Variants in DYM observed in about 807,000 individuals in gnomAD.
The protein encoded by DYM is dyggve-Melchior-Clausen syndrome protein.
A neutral mutation model predicts 93.1 loss-of-function variants in DYM; 78 were observed. The ratio of observed to expected loss-of-function variants is 0.84; its 90% CI spans 0.70 to 1.01. DYM has a LOEUF of 1.01. Among genes scored for constraint, DYM ranks in the 50% least tolerant of loss-of-function variants. DYM has a pLI of 0.00. For missense variants in DYM, 789 were observed against 845.0 expected (o/e 0.93, Z 0.82); for synonymous variants, 321 against 319.7 (o/e 1.00, Z -0.04).
At chr18:49,434,048 A>G (rs1259179181) in intron 1 of DYM, among the ~76,000 whole-genome samples, 1 of 152,102 alleles carries the variant, frequency 6.6e-6, no homozygotes, top group Non-Finnish European at 1.5e-5. Context: ...TGTCTCTATT[A>G]AAAATACAAA....
At chr18:49,373,599 A>G (rs1418989411) in intron 5 of DYM, among the ~76,000 whole-genome samples, 1 of 152,102 alleles carries the variant, frequency 6.6e-6, no homozygotes, top group African/African-American at 2.4e-5. Flanking sequence ...CCAACTTCCT[A>G]TCTCATTCTG....
chr18:49,257,225 C>T, intron 12 of DYM, 121 bp from the exon 13 acceptor site: 3 of 771,694 alleles, frequency 3.9e-6, no homozygotes, highest in Non-Finnish European at 6.7e-6. Flanking sequence ...AGTTCAGATC[C>T]ACTATCTCTT....
intron 8 of DYM, among the ~76,000 whole-genome samples, chr18:49,302,713 A>G (rs892745697): frequency 1.3e-5 from 2 of 152,164 alleles, no homozygotes; most frequent in African/African-American, 4.8e-5. Flanking sequence ...TCTCACTAGC[A>G]TTTTTATTCA....
intron 2 of DYM, among the ~76,000 whole-genome samples, chr18:49,421,907 G>C (rs1240310858): frequency 6.6e-6 from 1 of 152,198 alleles, no homozygotes; most frequent in Non-Finnish European, 1.5e-5. Context: ...GGGTATCAGT[G>C]ATTGAAGATC....
At chr18:49,094,520 C>T (rs755421326) in intron 17 of DYM, among the ~76,000 whole-genome samples, 16 of 152,070 alleles carry the variant, frequency 1.1e-4, no homozygotes, top group Non-Finnish European at 2.4e-4. Flanking sequence ...ATTGCCTTTC[C>T]CAGACTTCAC....
At chr18:49,299,443 C>T (rs575394031) in intron 8 of DYM, among the ~76,000 whole-genome samples, 6 of 152,278 alleles carry the variant, frequency 3.9e-5, no homozygotes, top group Admixed American at 1.3e-4. Flanking sequence ...ATAGTGTATA[C>T]CACCACCAGA....
At chr18:49,299,516 T>A (rs144387003) in intron 8 of DYM, among the ~76,000 whole-genome samples, 1 of 152,170 alleles carries the variant, frequency 6.6e-6, no homozygotes, top group African/African-American at 2.4e-5. Flanking sequence ...TATACAGACT[T>A]TAACCTTGCA....
At chr18:49,301,523 A>G (rs1009419537) in intron 8 of DYM, among the ~76,000 whole-genome samples, 20 of 134,366 alleles carry the variant, frequency 1.5e-4, no homozygotes, top group South Asian at 4.4e-4. Flanking sequence ...TCCGTCTCAG[A>G]AAAAAAAAAA....
rs373518434 is a variant in DYM, at chr18:49,044,119, T to C, written c.2111A>G (p.Asn704Ser). 2 of 1,614,010 alleles carry C rather than the reference T, an allele frequency of 1.2e-6. No homozygotes were observed. The highest frequency in any genetic ancestry group is 2.7e-5 in the African/African-American group (2 of 74,920). ...FIPYVWSLVY[N>S]SAVGLYWNPQ... is the part of the protein sequence containing the mutation. Reference sequence around the variant, plus strand: ...ATTCCAGTACAGGCCGACTGCTGAGTTGTAGACAAGAGACCAGACATAGGG... The same window carrying C: ...ATTCCAGTACAGGCCGACTGCTGAGCTGTAGACAAGAGACCAGACATAGGG... Residue 704 changes from asparagine to serine, a missense_variant, in exon 18 of 18, where the codon AAC becomes AGC. By Grantham distance (46) the Asn-to-Ser change is conservative (BLOSUM62 1). Transcript: ENST00000675505.
chr18:49,281,983 A>G lies in DYM; in HGVS notation c.1125+14T>C. ...AAAAATACAAACGCATGGAATGTTT[A>G]GTATGATACTTACAAGATTTTCCAT... On this transcript the variant is annotated intron_variant, in intron 10 of 17. Transcript: ENST00000675505. 1 of 1,610,576 alleles carries G rather than the reference A, an allele frequency of 6.2e-7. No individual in the cohort carries two copies.
intron 13 of DYM, among the ~76,000 whole-genome samples, chr18:49,233,733 A>G (rs2093777676): frequency 6.6e-6 from 1 of 152,168 alleles, no homozygotes; most frequent in Non-Finnish European, 1.5e-5. Context: ...ATTAATAAAG[A>G]CTATATTTCT....
At chr18:49,439,410 A>G (rs149725248) in intron 1 of DYM, among the ~76,000 whole-genome samples, 301 of 152,242 alleles carry the variant, frequency 2.0e-3, no homozygotes, top group African/African-American at 6.7e-3. Context: ...CTACTCCCCT[A>G]AAGCTGCAAT....
intron 8 of DYM, among the ~76,000 whole-genome samples, chr18:49,317,599 C>CTCT (rs1200969854): frequency 4.5e-5 from 1 of 22,102 alleles, no homozygotes. Context: ...CTCTCTCTCC[C>CTCT]CCCTCCCCCC....
intron 13 of DYM, among the ~76,000 whole-genome samples, chr18:49,211,900 C>T (rs1410623267): frequency 2.6e-5 from 4 of 152,132 alleles, no homozygotes; most frequent in Non-Finnish European, 5.9e-5. Flanking sequence ...TTCTAGGACT[C>T]CATCTACCAA....
chr18:49,174,917 T>G (rs74332360), intron 14 of DYM, among the ~76,000 whole-genome samples: 6,125 of 152,078 alleles, frequency 0.04, 205 homozygotes, highest in South Asian at 0.085. Flanking sequence ...GGAAAACATG[T>G]GAGGATTAAT....
intron 17 of DYM, among the ~76,000 whole-genome samples, chr18:49,064,090 G>A (rs1028323082): frequency 6.6e-6 from 1 of 152,088 alleles, no homozygotes; most frequent in Non-Finnish European, 1.5e-5. Context: ...CTCCCAAAAG[G>A]ACTAGCCTTC....
At chr18:49,208,500 A>C (rs749788752) in intron 14 of DYM, 1 of 152,194 alleles carries the variant, frequency 6.6e-6, no homozygotes, top group Non-Finnish European at 1.5e-5. Context: ...ACTCGATGTG[A>C]GGCTGATCAA....
chr18:49,369,624 T>C (rs79982892), intron 5 of DYM, among the ~76,000 whole-genome samples: 13,899 of 152,272 alleles, frequency 0.091, 864 homozygotes, highest in East Asian at 0.31. Flanking sequence ...TTCTTCAATC[T>C]AATAAATTCA....
intron 8 of DYM, among the ~76,000 whole-genome samples, chr18:49,309,247 A>G (rs1287863624): frequency 6.6e-6 from 1 of 152,192 alleles, no homozygotes; most frequent in Non-Finnish European, 1.5e-5. Context: ...CCTAAGTAGA[A>G]GGCTGCAGAT....
Sources: gnomAD v4.1 joint callset for allele counts (sites outside exome capture counted in the v4.1 genomes callset) on GRCh38, gnomAD v4.1.1 for gene constraint, MANE v1.5 for transcripts, NCBI Gene and HGNC (gene_info 2026-07-23, HGNC 2026-07-21) for gene names.